The following CREB5 variants were observed in gnomAD, a reference collection of about 807,000 sequenced individuals.
CREB5 encodes cAMP responsive element binding protein 5, also known as cyclic AMP-responsive element-binding protein 5.
CREB5 carries 19 observed loss-of-function variants against 57.1 expected under a neutral mutation model. The observed-to-expected ratio is 0.33, with a 90% CI of 0.23 to 0.49. The LOEUF (loss-of-function observed/expected upper bound fraction) is 0.49, where lower values mean the gene tolerates loss of function less well. Among genes scored for constraint, CREB5 ranks in the 20% least tolerant of loss-of-function variants. CREB5 has a pLI of 0.99. For synonymous variants in CREB5, 238 were observed against 238.3 expected, an observed-to-expected ratio of 1.00 and a Z score of 0.01; for missense variants, 579 against 671.6, an observed-to-expected ratio of 0.86 and a Z score of 1.52.
At chr7:28,705,390 G>GAAAAT (rs1179282655) in intron 5 of CREB5, among the ~76,000 whole-genome samples, 3 of 148,410 alleles carry the variant, frequency 2.0e-5, no homozygotes, top group African/African-American at 7.4e-5. Flanking sequence ...AAGAAAGAAA[G>GAAAAT]AAAAGAAAAC....
intron 5 of CREB5, among the ~76,000 whole-genome samples, chr7:28,701,621 C>T (rs1311249807): frequency 6.6e-6 from 1 of 152,178 alleles, no homozygotes; most frequent in Non-Finnish European, 1.5e-5. Context: ...CTAATAGTCA[C>T]TTAGAGCTCT....
intron 5 of CREB5, among the ~76,000 whole-genome samples, chr7:28,589,167 C>G (rs62449927): frequency 0.094 from 14,327 of 152,234 alleles, 916 homozygotes; most frequent in Middle Eastern, 0.21. Flanking sequence ...TACATCTATC[C>G]ATCCATCAGT....
At chr7:28,566,718 G>A (rs1007521368) in intron 4 of CREB5, among the ~76,000 whole-genome samples, 1 of 152,130 alleles carries the variant, frequency 6.6e-6, no homozygotes, top group South Asian at 2.1e-4. Flanking sequence ...TTGCTGGGTT[G>A]TTTATTTTTC....
intron 1 of CREB5, among the ~76,000 whole-genome samples, chr7:28,465,362 G>A (rs1001834643): frequency 6.6e-6 from 1 of 152,234 alleles, no homozygotes; most frequent in South Asian, 2.1e-4. Context: ...TCCAGGGCAA[G>A]GGGACAGCCT....
intron 1 of CREB5, among the ~76,000 whole-genome samples, chr7:28,356,110 G>A (rs17156635): frequency 0.062 from 9,372 of 152,172 alleles, 331 homozygotes; most frequent in East Asian, 0.15. Flanking sequence ...CCAAAATGAC[G>A]TCTATAAATA....
chr7:28,706,878 T>C (rs1472202217), intron 5 of CREB5, among the ~76,000 whole-genome samples: 2 of 152,198 alleles, frequency 1.3e-5, no homozygotes, highest in East Asian at 1.9e-4. Context: ...AAAAGATGAC[T>C]GTCATGGATG....
At chr7:28,788,921 A>G (rs1368122468) in intron 7 of CREB5, among the ~76,000 whole-genome samples, 1 of 152,020 alleles carries the variant, frequency 6.6e-6, no homozygotes, top group African/African-American at 2.4e-5. Flanking sequence ...CTAGAGGGAA[A>G]TAAGAGTAAA....
intron 5 of CREB5, among the ~76,000 whole-genome samples, chr7:28,686,995 C>T (rs539575827): frequency 2.0e-5 from 3 of 150,374 alleles, no homozygotes; most frequent in African/African-American, 4.9e-5. Flanking sequence ...GTTGGGGGGG[C>T]GATTTTTGAG....
chr7:28,657,807 G>T (rs1430822623), intron 5 of CREB5, among the ~76,000 whole-genome samples: 2 of 151,256 alleles, frequency 1.3e-5, no homozygotes, highest in Admixed American at 6.6e-5. Context: ...GAACCAATCA[G>T]CTATCCAAGC....
intron 1 of CREB5, among the ~76,000 whole-genome samples, chr7:28,322,958 C>T (rs1785518770): frequency 6.6e-6 from 1 of 151,666 alleles, no homozygotes; most frequent in Non-Finnish European, 1.5e-5. Flanking sequence ...TATTCTTAGT[C>T]CCCTCCCTCT....
intron 5 of CREB5, among the ~76,000 whole-genome samples, chr7:28,591,853 T>G (rs1796532705): frequency 6.6e-6 from 1 of 152,160 alleles, no homozygotes; most frequent in African/African-American, 2.4e-5. Context: ...ACTTTGTGCT[T>G]GGGACTCATA....
chr7:28,478,301 G>C (rs1791165474), intron 1 of CREB5, among the ~76,000 whole-genome samples: 2 of 151,918 alleles, frequency 1.3e-5, no homozygotes, highest in African/African-American at 2.4e-5. Context: ...TGAGTCTTGA[G>C]CTTGTTTATC....
At chr7:28,611,145 C>T (rs1797367552) in intron 5 of CREB5, among the ~76,000 whole-genome samples, 1 of 152,148 alleles carries the variant, frequency 6.6e-6, no homozygotes, top group Middle Eastern at 3.4e-3. Flanking sequence ...GCATGTTTCT[C>T]TGTGGAAACA....
At chr7:28,751,197 G>A (rs1291852282) in intron 7 of CREB5, among the ~76,000 whole-genome samples, 1 of 122,166 alleles carries the variant, frequency 8.2e-6, no homozygotes, top group Non-Finnish European at 1.6e-5. Context: ...TGAGCCAGGG[G>A]TGGGGGGTGG....
At chr7:28,531,606 A>G (rs368955271) in intron 4 of CREB5, among the ~76,000 whole-genome samples, 1 of 152,218 alleles carries the variant, frequency 6.6e-6, no homozygotes, top group Non-Finnish European at 1.5e-5. Context: ...GGATTAGAAC[A>G]TCAATATATG....
chr7:28,330,159 A>C (rs1259648270), intron 1 of CREB5, among the ~76,000 whole-genome samples: 1 of 152,150 alleles, frequency 6.6e-6, no homozygotes, highest in Non-Finnish European at 1.5e-5. Context: ...CAAATTCACC[A>C]CAGCCCGATT....
intron 7 of CREB5, among the ~76,000 whole-genome samples, chr7:28,755,830 G>A (rs1227455049): frequency 2.0e-5 from 3 of 152,096 alleles, no homozygotes; most frequent in Non-Finnish European, 4.4e-5. Flanking sequence ...ATTCAGGTAG[G>A]CCCTAAAATC....
chr7:28,632,379 G>A (rs1798236524), intron 5 of CREB5, among the ~76,000 whole-genome samples: 1 of 152,162 alleles, frequency 6.6e-6, no homozygotes, highest in Non-Finnish European at 1.5e-5. Context: ...GATGTCTGAA[G>A]TCTGAACTGC....
intron 7 of CREB5, among the ~76,000 whole-genome samples, chr7:28,782,045 T>C (rs1807015976): frequency 6.6e-6 from 1 of 151,538 alleles, no homozygotes; most frequent in African/African-American, 2.4e-5. Flanking sequence ...ATTACAGGCA[T>C]GCACCGCCTG....
Sources: gnomAD v4.1 joint callset for allele counts (sites outside exome capture counted in the v4.1 genomes callset) on GRCh38, gnomAD v4.1.1 for gene constraint, MANE v1.5 for transcripts, NCBI Gene and HGNC (gene_info 2026-07-23, HGNC 2026-07-21) for gene names.